BRAF: variants seen among roughly 807,000 people sequenced by gnomAD.
BRAF encodes the protein B-Raf proto-oncogene, serine/threonine kinase.
BRAF carries 16 observed loss-of-function variants against 104.6 expected under a neutral mutation model. The ratio of observed to expected loss-of-function variants is 0.15; its 90% confidence interval spans 0.10 to 0.23. The LOEUF (loss-of-function observed/expected upper bound fraction) is 0.23, where lower values mean the gene tolerates loss of function less well. BRAF is among the 10% of genes least tolerant of loss of function. The pLI, the probability that BRAF is intolerant of heterozygous loss-of-function variation, is 1.00. For missense variants in BRAF, 541 were observed against 937.3 expected (o/e 0.58, Z 5.52); for synonymous variants, 310 against 341.6 (o/e 0.91, Z 1.02).
chr7:140,738,967 A>G (rs1239769228), intron 18 of BRAF, among the ~76,000 whole-genome samples: 5 of 96,770 alleles, frequency 5.2e-5, no homozygotes, highest in South Asian at 3.0e-4. Context: ...TCCAATATGG[A>G]AAAAAAAAAA....
intron 1 of BRAF, among the ~76,000 whole-genome samples, chr7:140,919,644 G>A (rs758362550): frequency 3.1e-4 from 47 of 151,756 alleles, no homozygotes; most frequent in Non-Finnish European, 1.2e-4. Flanking sequence ...TAAAAACATG[G>A]CAATGAAAAC....
At chr7:140,727,673 T>G (rs1795684384) in intron 19 of BRAF, among the ~76,000 whole-genome samples, 1 of 151,964 alleles carries the variant, frequency 6.6e-6, no homozygotes, top group Non-Finnish European at 1.5e-5. Flanking sequence ...CAGGCTGGAG[T>G]GCAGTGGTGC....
At chr7:140,880,909 G>T (rs1812827915) in intron 1 of BRAF, among the ~76,000 whole-genome samples, 1 of 152,058 alleles carries the variant, frequency 6.6e-6, no homozygotes, top group Admixed American at 6.5e-5. Context: ...GTTCAAGGCT[G>T]CAGAGAGCTA....
At chr7:140,826,568 C>T (rs370000913) in intron 3 of BRAF, among the ~76,000 whole-genome samples, 2 of 152,130 alleles carry the variant, frequency 1.3e-5, no homozygotes, top group East Asian at 1.9e-4. Flanking sequence ...GGGAGGGGCA[C>T]AGGAGAACCC....
At chr7:140,764,535 A>T (rs1038463990) in intron 14 of BRAF, among the ~76,000 whole-genome samples, 3 of 151,710 alleles carry the variant, frequency 2.0e-5, no homozygotes, top group South Asian at 4.2e-4. Flanking sequence ...ACATGATTGT[A>T]TATCTAGAAA....
At chr7:140,810,623 G>T (rs555617158) in intron 3 of BRAF, among the ~76,000 whole-genome samples, 65 of 152,222 alleles carry the variant, frequency 4.3e-4, no homozygotes, top group African/African-American at 1.5e-3. Context: ...GTAAAAGTTT[G>T]TCATGAGAGA....
intron 14 of BRAF, among the ~76,000 whole-genome samples, chr7:140,767,251 G>A (rs562888639): frequency 5.3e-5 from 8 of 152,176 alleles, no homozygotes; most frequent in South Asian, 2.1e-4. Context: ...CAATCCACCC[G>A]CCTCAGCTTC....
intron 14 of BRAF, among the ~76,000 whole-genome samples, chr7:140,767,830 C>G (rs1252070557): frequency 1.3e-5 from 2 of 152,188 alleles, no homozygotes; most frequent in African/African-American, 4.8e-5. Context: ...ATAATAAAAG[C>G]TGCAACCTCA....
intron 17 of BRAF, chr7:140,747,509 A>T (rs1307068021): frequency 2.8e-6 from 2 of 720,224 alleles, no homozygotes; most frequent in African/African-American, 1.9e-5. Flanking sequence ...TATTTTGGAG[A>T]TAATACTTGT....
intron 14 of BRAF, among the ~76,000 whole-genome samples, chr7:140,758,782 G>GTACA (rs1798415802): frequency 6.6e-6 from 1 of 152,188 alleles, no homozygotes; most frequent in Non-Finnish European, 1.5e-5. Flanking sequence ...ATTTACTGAG[G>GTACA]TACAGTTTAC....
intron 1 of BRAF, among the ~76,000 whole-genome samples, chr7:140,895,117 A>G (rs1158132733): frequency 6.6e-6 from 1 of 152,174 alleles, no homozygotes; most frequent in Non-Finnish European, 1.5e-5. Context: ...AATCAATTAA[A>G]AGAATATACA....
intron 1 of BRAF, among the ~76,000 whole-genome samples, chr7:140,918,493 G>A (rs538123094): frequency 5.3e-5 from 8 of 152,134 alleles, no homozygotes; most frequent in Non-Finnish European, 1.0e-4. Flanking sequence ...AACAGGTCAC[G>A]GACTGGTAGA....
At chr7:140,798,272 C>CTTTTTTTTTTTTTTTTTTT (rs10525418) in intron 7 of BRAF, among the ~76,000 whole-genome samples, 2 of 115,620 alleles carry the variant, frequency 1.7e-5, no homozygotes, top group Admixed American at 1.1e-4. Flanking sequence ...CTTTTTTTTT[C>CTTTTTTTTTTTTTTTTTTT]TTTTTTTTGA....
chr7:140,796,293 G>T (rs1802484170), intron 7 of BRAF, among the ~76,000 whole-genome samples: 1 of 151,254 alleles, frequency 6.6e-6, no homozygotes, highest in Non-Finnish European at 1.5e-5. Flanking sequence ...AGAGACTGCA[G>T]TGAGCCAAGA....
At chr7:140,776,804 TG>T in intron 14 of BRAF, 107 bp downstream of exon 13, 1 of 1,090,492 alleles carries the variant, frequency 9.2e-7, no homozygotes, top group Non-Finnish European at 1.4e-6. Context: ...CTTATGTTCC[TG>T]GACAGTAATT....
intron 1 of BRAF, among the ~76,000 whole-genome samples, chr7:140,905,007 GCTT>G (rs1201123106): frequency 2.0e-5 from 3 of 152,086 alleles, no homozygotes; most frequent in African/African-American, 4.8e-5. Context: ...AGAAAAAAAT[GCTT>G]TTTTGGTTTC....
At chr7:140,752,487 G>A (rs1334872416) in intron 16 of BRAF, among the ~76,000 whole-genome samples, 2 of 152,230 alleles carry the variant, frequency 1.3e-5, no homozygotes, top group Non-Finnish European at 2.9e-5. Context: ...AAAACGGTGT[G>A]AGGGACCCTT....
intron 8 of BRAF, among the ~76,000 whole-genome samples, chr7:140,789,888 G>T (rs1801779298): frequency 6.6e-6 from 1 of 152,120 alleles, no homozygotes; most frequent in Non-Finnish European, 1.5e-5. Context: ...CTGCCACCAT[G>T]CCCGGCTAAT....
intron 17 of BRAF, among the ~76,000 whole-genome samples, chr7:140,745,653 T>G (rs983835673): frequency 6.6e-6 from 1 of 152,210 alleles, no homozygotes; most frequent in Non-Finnish European, 1.5e-5. Flanking sequence ...CTGGAGCTCA[T>G]GTCTGCTCAT....
Sources: allele counts gnomAD v4.1 joint callset (sites outside exome capture counted in the v4.1 genomes callset), GRCh38; gene constraint gnomAD v4.1.1; transcripts MANE v1.5; gene names NCBI Gene and HGNC (gene_info 2026-07-23, HGNC 2026-07-21).